NETO2: variants seen among roughly 807,000 people sequenced by gnomAD.
NETO2 encodes neuropilin and tolloid like 2.
NETO2 carries 28 observed loss-of-function variants against 62.5 expected under a neutral mutation model. That is an observed-to-expected ratio of 0.45 (90% CI 0.33 to 0.61). NETO2 has a LOEUF of 0.61. NETO2 is among the 20% of genes least tolerant of loss of function. The probability of loss-of-function intolerance (pLI) is 0.02; values close to 1 mark genes in which losing one functional copy is unlikely to be tolerated. For synonymous variants in NETO2, 214 were observed against 219.1 expected, an observed-to-expected ratio of 0.98 and a Z score of 0.21; for missense variants, 548 against 643.2, an observed-to-expected ratio of 0.85 and a Z score of 1.60.
chr16:47,101,222 T>C (rs1294908066), intron 7 of NETO2, among the ~76,000 whole-genome samples: 1 of 152,106 alleles, frequency 6.6e-6, no homozygotes, highest in Non-Finnish European at 1.5e-5. Flanking sequence ...AGGCCTTCTA[T>C]AAAATTCAAC....
At chr16:47,126,299 T>C (rs949446026) in intron 4 of NETO2, among the ~76,000 whole-genome samples, 1 of 152,166 alleles carries the variant, frequency 6.6e-6, no homozygotes, top group African/African-American at 2.4e-5. Context: ...GACAATGAAG[T>C]ATTATTTGGT....
chr16:47,129,077 A>G (rs1312016363), intron 3 of NETO2, 147 bp downstream of exon 3: 1 of 766,188 alleles, frequency 1.3e-6, no homozygotes, highest in African/African-American at 1.7e-5. Flanking sequence ...AATGTATTCA[A>G]TATGCAGAAA....
At position 47,126,190 on chromosome 16, in the gene NETO2, A is replaced by T. The variant is rs954427919; in HGVS notation, c.481+2135T>A. ...ATGAATTAACTCACGTCCACACAAA[A>T]ACCTGCACATGAATAGCAGCTTTAT... On this transcript the variant is annotated intron_variant, in intron 4 of 8. Coordinates refer to ENST00000562435, the MANE Select transcript of NETO2 (RefSeq NM_018092.5). Among the ~76,000 whole-genome samples the T allele has an allele frequency of 2.0e-5, 3 of 152,208 alleles. No individual in the cohort carries two copies. In the South Asian group the frequency reaches 6.2e-4, roughly 32 times the overall value.
chr16:47,139,207 C>T (rs904049020), intron 1 of NETO2, among the ~76,000 whole-genome samples: 1 of 152,132 alleles, frequency 6.6e-6, no homozygotes, highest in Non-Finnish European at 1.5e-5. Flanking sequence ...GGTGACTGAG[C>T]GCGACTCCAG....
At chr16:47,135,525 G>C (rs1326510176) in intron 1 of NETO2, among the ~76,000 whole-genome samples, 1 of 152,104 alleles carries the variant, frequency 6.6e-6, no homozygotes, top group African/African-American at 2.4e-5. Context: ...GTTACTCCTG[G>C]TTCTAGAGTT....
chr16:47,139,296 CAT>C (rs924148307), intron 1 of NETO2, among the ~76,000 whole-genome samples: 4 of 152,210 alleles, frequency 2.6e-5, no homozygotes, highest in African/African-American at 7.2e-5. Context: ...AGTAGCCACA[CAT>C]GTGACCTTGC....
intron 1 of NETO2, among the ~76,000 whole-genome samples, chr16:47,142,973 G>C (rs1964491529): frequency 6.6e-6 from 1 of 151,792 alleles, no homozygotes; most frequent in Non-Finnish European, 1.5e-5. Context: ...CCGGGGGCCG[G>C]GACAAGCCGG....
intron 7 of NETO2, among the ~76,000 whole-genome samples, chr16:47,106,782 A>ATT (rs200326857): frequency 1.4e-5 from 2 of 144,772 alleles, no homozygotes; most frequent in African/African-American, 2.5e-5. Flanking sequence ...CCAGGATATA[A>ATT]TTTTTTTTTT....
intron 7 of NETO2, among the ~76,000 whole-genome samples, chr16:47,107,461 C>A (rs763323513): frequency 2.6e-5 from 4 of 152,110 alleles, no homozygotes; most frequent in Non-Finnish European, 5.9e-5. Flanking sequence ...GGAAATTTCT[C>A]AAAGGGATAT....
intron 1 of NETO2, 86 bp downstream of exon 1, chr16:47,143,493 G>T (rs889672559): frequency 1.7e-5 from 21 of 1,205,538 alleles, no homozygotes; most frequent in East Asian, 3.4e-5. Context: ...CCGGGCGCGG[G>T]TAAGGGACGC....
chr16:47,108,733 T>G (rs920057236), intron 7 of NETO2, among the ~76,000 whole-genome samples: 1 of 152,178 alleles, frequency 6.6e-6, no homozygotes, highest in Non-Finnish European at 1.5e-5. Context: ...ATAGCAAAAC[T>G]AGAGATACCG....
intron 7 of NETO2, among the ~76,000 whole-genome samples, chr16:47,105,672 G>A (rs1567386716): frequency 2.0e-5 from 3 of 152,176 alleles, no homozygotes; most frequent in African/African-American, 7.2e-5. Context: ...CAAAGGATGT[G>A]AAGAGACCTT....
chr16:47,083,179 T>G lies in NETO2; in HGVS notation c.*42A>C. 6.5e-7 allele frequency: 1 copy of G among 1,541,068 alleles called. No homozygotes were observed. Among genetic ancestry groups the G allele is most frequent in the Non-Finnish European group, 8.8e-7 (1 of 1,135,300 alleles). ...ACAGTATGGTGCCCTGGAGGCTGCGTACGTACACACCCTAAGAATTCACAT... is the reference window on the plus strand; with the variant it reads ...ACAGTATGGTGCCCTGGAGGCTGCGGACGTACACACCCTAAGAATTCACAT... On this transcript the variant is annotated 3_prime_UTR_variant, in exon 9 of 9. Transcript: ENST00000562435.
chr16:47,087,544 T>G (rs1963220970), intron 7 of NETO2, among the ~76,000 whole-genome samples: 1 of 152,108 alleles, frequency 6.6e-6, no homozygotes, highest in Non-Finnish European at 1.5e-5. Flanking sequence ...CACAATAATG[T>G]GAATGTACTT....
chr16:47,098,673 G>A (rs1963481682), intron 7 of NETO2, among the ~76,000 whole-genome samples: 1 of 152,130 alleles, frequency 6.6e-6, no homozygotes, highest in African/African-American at 2.4e-5. Flanking sequence ...AGGAAATACA[G>A]AGACCACCAC....
intron 7 of NETO2, among the ~76,000 whole-genome samples, chr16:47,097,808 C>T (rs1036892148): frequency 2.0e-5 from 3 of 152,084 alleles, no homozygotes; most frequent in Non-Finnish European, 2.9e-5. Flanking sequence ...CCTTCTGGGA[C>T]GAAGCTTCCA....
chr16:47,132,079 A>C, intron 1 of NETO2, 54 bp from the exon 2 acceptor site: 1 of 1,302,712 alleles, frequency 7.7e-7, no homozygotes, highest in Non-Finnish European at 1.1e-6. Flanking sequence ...ACTACATTTT[A>C]CTAAGTCAAT....
At chr16:47,126,583 G>C (rs1256082105) in intron 4 of NETO2, among the ~76,000 whole-genome samples, 1 of 152,166 alleles carries the variant, frequency 6.6e-6, no homozygotes, top group African/African-American at 2.4e-5. Flanking sequence ...AAAACTCACA[G>C]AGCACACCCT....
intron 6 of NETO2, among the ~76,000 whole-genome samples, chr16:47,115,747 A>T (rs1596728771): frequency 6.9e-6 from 1 of 144,842 alleles, no homozygotes; most frequent in Non-Finnish European, 1.5e-5. Context: ...ATATATATAT[A>T]TTTTGTAGGG....
Sources: gnomAD v4.1 joint callset for allele counts (sites outside exome capture counted in the v4.1 genomes callset) on GRCh38, gnomAD v4.1.1 for gene constraint, MANE v1.5 for transcripts, NCBI Gene and HGNC (gene_info 2026-07-23, HGNC 2026-07-21) for gene names.